SH3RF3: variants seen among roughly 807,000 people sequenced by gnomAD.
SH3RF3 encodes E3 ubiquitin-protein ligase SH3RF3.
Under a neutral mutation model 66.3 loss-of-function variants are expected in SH3RF3, and 29 were observed. The observed-to-expected ratio is 0.44, with a 90% CI of 0.33 to 0.60. The LOEUF is 0.60. Among genes scored for constraint, SH3RF3 ranks in the 20% least tolerant of loss-of-function variants. The pLI, the probability that SH3RF3 is intolerant of heterozygous loss-of-function variation, is 0.04. For synonymous variants in SH3RF3, 583 were observed against 532.0 expected (o/e 1.10, Z -1.32); for missense variants, 1,194 against 1,190.9 (o/e 1.00, Z -0.04).
intron 8 of SH3RF3, among the ~76,000 whole-genome samples, chr2:109,459,115 C>T (rs1425727659): frequency 6.6e-6 from 1 of 152,078 alleles, no homozygotes; most frequent in East Asian, 1.9e-4. Flanking sequence ...GCTTCGTCTT[C>T]TTCTTGATAT....
intron 4 of SH3RF3, among the ~76,000 whole-genome samples, chr2:109,408,033 C>CTT (rs1676492553): frequency 2.0e-5 from 3 of 152,182 alleles, no homozygotes; most frequent in South Asian, 4.1e-4. Context: ...CAGGAAAGAT[C>CTT]CTTGGGTCTT....
At chr2:109,365,051 AAAACAAAC>A (rs70958705) in intron 2 of SH3RF3, among the ~76,000 whole-genome samples, 29 of 151,484 alleles carry the variant, frequency 1.9e-4, no homozygotes, top group Admixed American at 2.0e-4. Flanking sequence ...ACACACATAT[AAAACAAAC>A]AAACAAACAA....
intron 1 of SH3RF3, among the ~76,000 whole-genome samples, chr2:109,151,040 G>A (rs1284623063): frequency 6.6e-6 from 1 of 152,164 alleles, no homozygotes; most frequent in East Asian, 1.9e-4. Context: ...GCAAGGGAGA[G>A]GCTTTTATGG....
intron 1 of SH3RF3, among the ~76,000 whole-genome samples, chr2:109,268,578 C>T (rs749469114): frequency 4.6e-5 from 7 of 152,186 alleles, no homozygotes; most frequent in Non-Finnish European, 7.3e-5. Flanking sequence ...GACTGGGCCT[C>T]GCTCCAGGGA....
chr2:109,294,297 A>G (rs1681256038), intron 1 of SH3RF3, among the ~76,000 whole-genome samples: 3 of 152,134 alleles, frequency 2.0e-5, no homozygotes, highest in Non-Finnish European at 2.9e-5. Flanking sequence ...TGCGGTGGTC[A>G]TGCCTGTAAT....
intron 1 of SH3RF3, among the ~76,000 whole-genome samples, chr2:109,217,311 C>T (rs1157594834): frequency 6.6e-6 from 1 of 152,130 alleles, no homozygotes; most frequent in Non-Finnish European, 1.5e-5. Flanking sequence ...CTTGGAGAAC[C>T]TTGGTTGTTC....
At chr2:109,196,954 C>T (rs534494332) in intron 1 of SH3RF3, among the ~76,000 whole-genome samples, 1 of 152,336 alleles carries the variant, frequency 6.6e-6, no homozygotes, top group South Asian at 2.1e-4. Context: ...ACACAGTGCG[C>T]CCCTGTGCTG....
chr2:109,455,897 C>T (rs948507451), intron 8 of SH3RF3, among the ~76,000 whole-genome samples: 10 of 152,218 alleles, frequency 6.6e-5, no homozygotes, highest in Non-Finnish European at 1.5e-4. Flanking sequence ...GGCCTGCTGT[C>T]ACCTGCACAC....
At chr2:109,348,206 A>G (rs73955552) in intron 2 of SH3RF3, among the ~76,000 whole-genome samples, 2,764 of 152,290 alleles carry the variant, frequency 0.018, 84 homozygotes, top group African/African-American at 0.063. Context: ...GGAGCTTGAG[A>G]TAATATAAGC....
intron 4 of SH3RF3, among the ~76,000 whole-genome samples, chr2:109,405,956 A>AT (rs1474411844): frequency 1.3e-5 from 2 of 152,204 alleles, no homozygotes; most frequent in Non-Finnish European, 2.9e-5. Flanking sequence ...ATAAAGCAGC[A>AT]TGGTACCTGA....
chr2:109,330,547 G>T (rs1682260158), intron 1 of SH3RF3, among the ~76,000 whole-genome samples: 2 of 152,272 alleles, frequency 1.3e-5, no homozygotes, highest in Admixed American at 1.3e-4. Flanking sequence ...CCTCACACAG[G>T]CCTGGCACAG....
intron 9 of SH3RF3, among the ~76,000 whole-genome samples, chr2:109,493,317 G>A (rs981132945): frequency 0.27 from 38,160 of 142,260 alleles, 5,128 homozygotes; most frequent in East Asian, 0.52. Flanking sequence ...GCAAATATAC[G>A]TACACCATAC....
intron 1 of SH3RF3, among the ~76,000 whole-genome samples, chr2:109,190,088 G>A (rs983318102): frequency 3.3e-5 from 5 of 152,186 alleles, no homozygotes; most frequent in Non-Finnish European, 5.9e-5. Flanking sequence ...AACTTTTCCC[G>A]TGATCATATG....
In SH3RF3 at chr2:109,398,758, G is replaced by A. The variant is rs1676223138; in HGVS notation, c.1114G>A (p.Gly372Ser). Residue 372 changes from glycine (G) to serine (S), a missense_variant, in exon 4 of 10, where the codon GGC (glycine) becomes AGC (serine). Coordinates refer to ENST00000309415, the MANE Select transcript of SH3RF3 (RefSeq NM_001099289.3). ...AVSAFQRRVD[G>S]KKNTKKRHSF... ...CAGTGCCTTTCAGCGGCGTGTGGAT[G>A]GCAAGAAGAACACCAAGAAACGCCA... 6 of 1,613,540 alleles carry A rather than the reference G, an allele frequency of 3.7e-6. No individual in the cohort carries two copies. The highest frequency in any genetic ancestry group is 1.7e-5 in the Admixed American group (1 of 59,950).
chr2:109,400,287 A>G (rs895608420), intron 4 of SH3RF3, among the ~76,000 whole-genome samples: 4 of 152,004 alleles, frequency 2.6e-5, no homozygotes, highest in Admixed American at 6.6e-5. Context: ...ATGCACTCCC[A>G]CGCACATGTG....
At chr2:109,438,647 C>T (rs1390822519) in intron 7 of SH3RF3, among the ~76,000 whole-genome samples, 3 of 152,214 alleles carry the variant, frequency 2.0e-5, no homozygotes, top group African/African-American at 7.2e-5. Flanking sequence ...TTACCTGGTG[C>T]CCAAGCCCAC....
intron 1 of SH3RF3, among the ~76,000 whole-genome samples, chr2:109,256,350 G>A (rs10187434): frequency 0.039 from 5,908 of 152,316 alleles, 377 homozygotes; most frequent in African/African-American, 0.13. Context: ...GGTGCTCTGG[G>A]CTTGTCAGTT....
chr2:109,483,827 G>C (rs1678896054), intron 8 of SH3RF3, among the ~76,000 whole-genome samples: 1 of 152,060 alleles, frequency 6.6e-6, no homozygotes, highest in South Asian at 2.1e-4. Flanking sequence ...AACTCCTCCT[G>C]TGACTGTCCC....
Position 109,371,646 on chromosome 2 carries a change from G to C in SH3RF3, c.910G>C (p.Asp304His). 1 of 1,614,058 alleles carries C rather than the reference G, an allele frequency of 6.2e-7. No homozygotes were observed. Among genetic ancestry groups the C allele is most frequent in the Non-Finnish European group, 8.5e-7 (1 of 1,179,932 alleles). ...DENWAEGMLG[D>H]KIGIFPLLYV... is the part of the protein sequence containing the mutation. ...GAACTGGGCGGAAGGCATGCTGGGA[G>C]ACAAGATCGGGATCTTCCCGCTCCT... The change falls in exon 3 of 10, where the codon GAC (aspartate) becomes CAC (histidine). Residue 304 changes from aspartate (D) to histidine (H), a missense_variant. Asp to His is a moderately conservative substitution (Grantham distance 81). Coordinates refer to ENST00000309415, the MANE Select transcript of SH3RF3 (RefSeq NM_001099289.3).
Sources: gnomAD v4.1 joint callset for allele counts (sites outside exome capture counted in the v4.1 genomes callset) on GRCh38, gnomAD v4.1.1 for gene constraint, MANE v1.5 for transcripts, NCBI Gene and HGNC (gene_info 2026-07-23, HGNC 2026-07-21) for gene names.